Variants in GABRA3 observed in about 807,000 individuals in gnomAD.
GABRA3 encodes the protein gamma-aminobutyric acid receptor subunit alpha-3.
A neutral mutation model predicts 30.1 loss-of-function variants in GABRA3; 10 were observed. The observed-to-expected ratio is 0.33, with a 90% CI of 0.20 to 0.56. The LOEUF (loss-of-function observed/expected upper bound fraction) is 0.56. GABRA3 is among the 20% of genes least tolerant of loss of function. The pLI is 0.89. For missense variants in GABRA3, 233 were observed against 392.0 expected (o/e 0.59, Z 3.42); for synonymous variants, 151 against 146.8 (o/e 1.03, Z -0.21).
rs1937592162 is a variant in GABRA3 at position 152,208,133 on chromosome X, T to C, written c.646A>G (p.Thr216Ala). The C allele has an allele frequency of 1.7e-6, 2 of 1,210,186 alleles. No homozygotes were observed. The highest frequency in any genetic ancestry group is 2.2e-6 in the Non-Finnish European group (2 of 894,396). The change falls in exon 7 of 10, where the codon ACA becomes GCA. Residue 216 changes from threonine to alanine, a missense_variant. Transcript: ENST00000370314. The part of the protein sequence containing the change: ...PLKFGSYAYT[T>A]AEVVYSWTLG... ...GTCCAAGAATAAACCACTTCAGCTG[T>C]TGTATAGGCATCTAAGGCAGAGAAG...
chrX:152,216,346 C>T (rs763915902), intron 6 of GABRA3, among the ~76,000 whole-genome samples: 1 of 105,219 alleles, frequency 9.5e-6, no homozygotes, highest in African/African-American at 3.4e-5. Context: ...ATCCAAGTGT[C>T]CATCAATGAA....
intron 6 of GABRA3, among the ~76,000 whole-genome samples, chrX:152,217,952 CTTTAT>C (rs1017024342): frequency 9.3e-6 from 1 of 107,785 alleles, no homozygotes; most frequent in African/African-American, 3.3e-5. Context: ...TTTTAAAATT[CTTTAT>C]TTTATTTATT....
intron 1 of GABRA3, among the ~76,000 whole-genome samples, chrX:152,449,707 G>A: frequency 9.0e-6 from 1 of 111,508 alleles, no homozygotes. Flanking sequence ...TTGCCTAACA[G>A]ACAAAGGTGC....
Position 152,356,483 on chromosome X carries a change from C to T in GABRA3, c.140+7948G>A, listed in dbSNP as rs183151398. Among the ~76,000 whole-genome samples, 138 of 111,709 alleles carry T rather than the reference C, an allele frequency of 1.2e-3. 1 individual carries two copies. The highest frequency in any genetic ancestry group is 4.2e-3 in the African/African-American group (130 of 30,826). ...AGCTCTTAAGTACCACAACTATCAG[C>T]AAAAACTCTATACTTTAAAATTATA... On this transcript the variant is annotated intron_variant, in intron 2 of 9. Coordinates refer to ENST00000370314, the MANE Select transcript of GABRA3 (RefSeq NM_000808.4).
At chrX:152,372,174 A>AAT (rs1556787879) in intron 1 of GABRA3, among the ~76,000 whole-genome samples, 107 of 108,120 alleles carry the variant, frequency 9.9e-4, no homozygotes, top group African/African-American at 3.4e-3. Context: ...TAGAAAAAAA[A>AAT]ATATATATAA....
chrX:152,217,565 T>C (rs926643539), intron 6 of GABRA3, among the ~76,000 whole-genome samples: 7 of 111,628 alleles, frequency 6.3e-5, no homozygotes, highest in Admixed American at 3.8e-4. Flanking sequence ...TTCAAGTGTT[T>C]TGTACAATTC....
intron 3 of GABRA3, among the ~76,000 whole-genome samples, chrX:152,308,725 A>T (rs927102756): frequency 8.9e-6 from 1 of 112,272 alleles, no homozygotes; most frequent in African/African-American, 3.2e-5. Flanking sequence ...AACTCTGGAA[A>T]CTCAAAAAGC....
At chrX:152,175,508 G>A (rs1031414830) in intron 9 of GABRA3, among the ~76,000 whole-genome samples, 1 of 111,534 alleles carries the variant, frequency 9.0e-6, no homozygotes, top group African/African-American at 3.3e-5. Context: ...CCAGTTGGGG[G>A]GACATGTAAT....
chrX:152,421,694 A>C (rs1259652203), intron 1 of GABRA3, among the ~76,000 whole-genome samples: 4 of 111,867 alleles, frequency 3.6e-5, no homozygotes, highest in Non-Finnish European at 7.5e-5. Flanking sequence ...ATCAGTAAAA[A>C]GCAAATGGTG....
rs183238760 is a variant in GABRA3, at chrX:152,367,045, C to T, written c.-26-2449G>A. 7.1e-4 allele frequency among the ~76,000 whole-genome samples: 79 copies of T among 110,745 alleles called. 1 individual carries two copies. Among genetic ancestry groups the T allele is most frequent in the African/African-American group, 2.5e-3 (75 of 30,476 alleles). Reference sequence around the variant, plus strand: ...TAGCTATTTGTAGTGTACGAACACACAAATATAACGCACATATCCATGGTG... The same window carrying T: ...TAGCTATTTGTAGTGTACGAACACATAAATATAACGCACATATCCATGGTG... On this transcript the variant is annotated intron_variant, in intron 1 of 9. Coordinates refer to ENST00000370314, the MANE Select transcript of GABRA3 (RefSeq NM_000808.4).
rs755381575 is a variant in GABRA3 at position 152,356,973 on chromosome X, T to A, written c.140+7458A>T. Among the ~76,000 whole-genome samples, 4 of 112,171 alleles carry A rather than the reference T, an allele frequency of 3.6e-5. No individual in the cohort carries two copies. In the East Asian group the frequency reaches 1.1e-3, roughly 31 times the overall value. On this transcript the variant is annotated intron_variant, in intron 2 of 9. Transcript: ENST00000370314. ...ATTCCATGGTGTATATGTACCACAT[T>A]TATTTTATCTAATCCACTTTAATGA...
chrX:152,329,006 T>A (rs936972871), intron 3 of GABRA3, among the ~76,000 whole-genome samples: 10 of 112,167 alleles, frequency 8.9e-5, no homozygotes, highest in East Asian at 5.6e-4. Flanking sequence ...GCAAAGTCTC[T>A]GGATACAAAA....
intron 2 of GABRA3, among the ~76,000 whole-genome samples, chrX:152,347,447 T>A (rs1940408108): frequency 9.0e-6 from 1 of 111,562 alleles, no homozygotes; most frequent in Non-Finnish European, 1.9e-5. Context: ...ACATCAGTAG[T>A]AATAATTTAA....
intron 3 of GABRA3, among the ~76,000 whole-genome samples, chrX:152,324,022 ATCT>A (rs1940012997): frequency 8.9e-6 from 1 of 112,472 alleles, no homozygotes; most frequent in Non-Finnish European, 1.9e-5. Flanking sequence ...TTAGCAGAGT[ATCT>A]GCCTTATTAA....
chrX:152,233,979 A>G (rs1273291081), intron 5 of GABRA3, among the ~76,000 whole-genome samples: 1 of 100,264 alleles, frequency 1.0e-5, no homozygotes, highest in East Asian at 3.3e-4. Flanking sequence ...TCTCACTCAT[A>G]GGTGGGAATT....
At chrX:152,383,754 C>T (rs887538382) in intron 1 of GABRA3, among the ~76,000 whole-genome samples, 90 of 108,938 alleles carry the variant, frequency 8.3e-4, no homozygotes, top group Non-Finnish European at 1.5e-3. Flanking sequence ...ACATCATTCT[C>T]GACAGCGAAA....
chrX:152,387,094 C>T (rs1180137108), intron 1 of GABRA3, among the ~76,000 whole-genome samples: 1 of 98,205 alleles, frequency 1.0e-5, no homozygotes, highest in Non-Finnish European at 2.0e-5. Context: ...GGGAATTGAA[C>T]AATGAGAACA....
intron 1 of GABRA3, among the ~76,000 whole-genome samples, 195 bp from the exon 2 acceptor site, chrX:152,364,791 G>A (rs750516138): frequency 4.0e-4 from 44 of 110,711 alleles, no homozygotes; most frequent in African/African-American, 1.3e-3. Context: ...CACCAAAATC[G>A]CCCCCAATAT....
At chrX:152,272,845 T>C (rs192351995) in intron 4 of GABRA3, among the ~76,000 whole-genome samples, 25 of 111,439 alleles carry the variant, frequency 2.2e-4, no homozygotes, top group Non-Finnish European at 4.0e-4. Flanking sequence ...TTTTCCCCCT[T>C]TGCTTAGCAC....
Sources: allele counts gnomAD v4.1 joint callset (sites outside exome capture counted in the v4.1 genomes callset), GRCh38; gene constraint gnomAD v4.1.1; transcripts MANE v1.5; gene names NCBI Gene and HGNC (gene_info 2026-07-23, HGNC 2026-07-21).